The following ITCH variants were observed in gnomAD, a reference collection of about 807,000 sequenced individuals.
ITCH encodes the protein itchy E3 ubiquitin protein ligase.
Under a neutral mutation model 126.8 loss-of-function variants are expected in ITCH, and 28 were observed. That is an observed-to-expected ratio of 0.22 (90% CI 0.16 to 0.30). The LOEUF is 0.30. ITCH is among the 10% of genes least tolerant of loss of function. ITCH has a pLI of 1.00. For missense variants in ITCH, 631 were observed against 1,032.4 expected, an observed-to-expected ratio of 0.61 and a Z score of 5.33; for synonymous variants, 342 against 340.0, an observed-to-expected ratio of 1.01 and a Z score of -0.06.
intron 2 of ITCH, among the ~76,000 whole-genome samples, chr20:34,392,020 G>A (rs1055192864): frequency 3.9e-5 from 6 of 152,142 alleles, no homozygotes; most frequent in African/African-American, 1.4e-4. Context: ...AATATCAGCA[G>A]CCAGATATTG....
intron 9 of ITCH, among the ~76,000 whole-genome samples, chr20:34,441,161 A>G (rs947552604): frequency 1.3e-5 from 2 of 151,926 alleles, no homozygotes; most frequent in African/African-American, 2.4e-5. Context: ...AATCCCAGCT[A>G]CTCGGGAGGC....
At chr20:34,477,585 TAATAA>T (rs982667029) in intron 16 of ITCH, among the ~76,000 whole-genome samples, 182 bp from the exon 17 acceptor site, 10 of 152,268 alleles carry the variant, frequency 6.6e-5, no homozygotes, top group African/African-American at 2.4e-4. Flanking sequence ...TAGATGTATA[TAATAA>T]AATATTATTA....
At chr20:34,363,693 ACT>A (rs1204808929) in intron 1 of ITCH, among the ~76,000 whole-genome samples, 29 of 151,370 alleles carry the variant, frequency 1.9e-4, no homozygotes, top group African/African-American at 7.0e-4. Flanking sequence ...GCCTGGGGCC[ACT>A]CTCCAGCGGT....
chr20:34,453,701 AAG>A (rs756081793), intron 12 of ITCH, among the ~76,000 whole-genome samples: 9 of 152,086 alleles, frequency 5.9e-5, no homozygotes, highest in Non-Finnish European at 1.0e-4. Context: ...TTAAACAAGA[AAG>A]AGAATTCTGG....
At chr20:34,385,289 C>T (rs1432558577) in intron 2 of ITCH, among the ~76,000 whole-genome samples, 1 of 143,674 alleles carries the variant, frequency 7.0e-6, no homozygotes, top group Non-Finnish European at 1.5e-5. Flanking sequence ...TCTCGAACTC[C>T]TGACCTTAGG....
At chr20:34,389,837 T>A (rs1568879139) in intron 2 of ITCH, among the ~76,000 whole-genome samples, 1 of 151,614 alleles carries the variant, frequency 6.6e-6, no homozygotes, top group Non-Finnish European at 1.5e-5. Flanking sequence ...GAAGAACACC[T>A]TGGTATGCAG....
Position 34,394,006 on chromosome 20 carries a change from C to T in ITCH, c.70+125C>T, listed in dbSNP as rs186096451. 482 of 899,080 alleles carry T rather than the reference C, an allele frequency of 5.4e-4. 6 individuals carry two copies. In the East Asian group the frequency reaches 0.01, roughly 20 times the overall value. 55.7% of individuals were successfully genotyped at this position (899,080 alleles called of 1,614,324 possible). A position where few individuals can be genotyped will look rare whatever the true frequency, so the allele number is the denominator to read the frequency against. On this transcript the variant is annotated intron_variant, in intron 3 of 24. Transcript: ENST00000374864. ...CAGCACTTTGGGAGGCTGAGGTGGG[C>T]GGGTCACTTGAGGCCAGGAGTTTGA...
At chr20:34,491,733 T>C (rs1379823293) in intron 22 of ITCH, among the ~76,000 whole-genome samples, 5 of 152,222 alleles carry the variant, frequency 3.3e-5, no homozygotes, top group Non-Finnish European at 5.9e-5. Flanking sequence ...GCAAAACAGT[T>C]ATACTACAGG....
At chr20:34,399,802 C>G (rs1028940900) in intron 3 of ITCH, among the ~76,000 whole-genome samples, 6 of 152,128 alleles carry the variant, frequency 3.9e-5, no homozygotes, top group African/African-American at 1.4e-4. Context: ...GATCGCACCC[C>G]TACACTCCAG....
intron 14 of ITCH, 129 bp downstream of exon 14, chr20:34,462,350 C>G: frequency 1.1e-6 from 1 of 939,522 alleles, no homozygotes; most frequent in Non-Finnish European, 1.6e-6. Context: ...GGTTTCTGTT[C>G]ATTAAGTATT....
chr20:34,453,131 C>T (rs561354381), intron 12 of ITCH, among the ~76,000 whole-genome samples: 1 of 152,172 alleles, frequency 6.6e-6, no homozygotes, highest in Non-Finnish European at 1.5e-5. Context: ...GTCAGAAATC[C>T]GTTCTACAGC....
rs538631272 is a variant in ITCH at position 34,508,015 on chromosome 20, G to A, written c.*221G>A. ...CTAGTCAGAACCTTGCTTAACATGA[G>A]ATTTTAACACAACAATGAAATTTGC... is the stretch of plus-strand genomic sequence containing the variant. On this transcript the variant is annotated 3_prime_UTR_variant, in exon 25 of 25. Transcript: ENST00000374864. 2.5e-4 allele frequency: 125 copies of A among 503,406 alleles called. No individual in the cohort carries two copies. Among genetic ancestry groups the A allele is most frequent in the African/African-American group, 2.3e-3 (117 of 51,536 alleles). 31.2% of individuals were successfully genotyped at this position (503,406 alleles called of 1,614,324 possible).
rs568847859 is a variant in ITCH at position 34,493,817 on chromosome 20, GA to G, written c.2416+1222del. Among the ~76,000 whole-genome samples, 141 of 152,308 alleles carry G rather than the reference GA, an allele frequency of 9.3e-4. 1 individual carries two copies. Among genetic ancestry groups the G allele is most frequent in the South Asian group, 6.4e-3 (31 of 4,826 alleles). On this transcript the variant is annotated intron_variant, in intron 23 of 24. Coordinates refer to ENST00000374864, the MANE Select transcript of ITCH (RefSeq NM_031483.7). The stretch of plus-strand genomic sequence containing the variant: ...GAGTTAAGAGGAAACAGAAGAAGTT[GA>G]ATCATCAGAGCAGTGACATTTGATG...
At position 34,433,656 on chromosome 20, in the gene ITCH, C is replaced by CAAA. The variant is rs1158804192; in HGVS notation, c.522-4804_522-4802dup. 1.6e-3 allele frequency among the ~76,000 whole-genome samples: 185 copies of CAAA among 115,352 alleles called. 2 individuals carry two copies. The highest frequency in any genetic ancestry group is 5.7e-3 in the African/African-American group (176 of 30,838). The allele number at this position is 115,352 out of a possible 152,430, so 75.7% of individuals were successfully genotyped here. On this transcript the variant is annotated intron_variant, in intron 7 of 24. Coordinates refer to ENST00000374864, the MANE Select transcript of ITCH (RefSeq NM_031483.7). ...TGGGCAACAGAGTGAAACAATGTCTCAAAAAAAAAAAAAAAACCCAAAAAG... is the reference window on the plus strand; with the variant it reads ...TGGGCAACAGAGTGAAACAATGTCTCAAAAAAAAAAAAAAAAAAACCCAAAAAG...
intron 4 of ITCH, among the ~76,000 whole-genome samples, chr20:34,409,657 A>T (rs1384678639): frequency 6.6e-6 from 1 of 152,168 alleles, no homozygotes; most frequent in Non-Finnish European, 1.5e-5. Context: ...ATATTTTAAT[A>T]GTTCTGTATT....
At chr20:34,485,446 G>A (rs143154689) in intron 20 of ITCH, among the ~76,000 whole-genome samples, 32 of 152,250 alleles carry the variant, frequency 2.1e-4, no homozygotes, top group African/African-American at 7.2e-4. Flanking sequence ...GTAATATCTC[G>A]TGGTTTTAAT....
chr20:34,408,811 T>C lies in ITCH; in HGVS notation c.212+19T>C. Reference sequence around the variant, plus strand: ...TTACAGTGTAAGCTTGGAAGTATTTTTCTGTAGTATGTTTTGTTTAGTAGA... The same window carrying C: ...TTACAGTGTAAGCTTGGAAGTATTTCTCTGTAGTATGTTTTGTTTAGTAGA... On this transcript the variant is annotated intron_variant, in intron 4 of 24. Coordinates refer to ENST00000374864, the MANE Select transcript of ITCH (RefSeq NM_031483.7). The C allele has an allele frequency of 6.2e-7, 1 of 1,612,734 alleles. No individual in the cohort carries two copies. Among genetic ancestry groups the C allele is most frequent in the Non-Finnish European group, 8.5e-7 (1 of 1,179,090 alleles).
At chr20:34,453,775 C>G (rs1285663556) in intron 12 of ITCH, among the ~76,000 whole-genome samples, 2 of 151,974 alleles carry the variant, frequency 1.3e-5, no homozygotes, top group Non-Finnish European at 2.9e-5. Context: ...GGGTGAATCA[C>G]CTGAGGTCAG....
chr20:34,418,759 T>C (rs994783331), intron 6 of ITCH, among the ~76,000 whole-genome samples: 107 of 142,548 alleles, frequency 7.5e-4, no homozygotes, highest in African/African-American at 2.7e-3. Flanking sequence ...TTTTTTTCCT[T>C]TTTTTTTTTT....
Sources: gnomAD v4.1 joint callset for allele counts (sites outside exome capture counted in the v4.1 genomes callset) on GRCh38, gnomAD v4.1.1 for gene constraint, MANE v1.5 for transcripts, NCBI Gene and HGNC (gene_info 2026-07-23, HGNC 2026-07-21) for gene names.